Variants in THEM4 observed in about 807,000 individuals in gnomAD.
THEM4 encodes the protein acyl-coenzyme A thioesterase THEM4.
A neutral mutation model predicts 25.0 loss-of-function variants in THEM4; 22 were observed. That is an observed-to-expected ratio of 0.88 (90% CI 0.63 to 1.26). The LOEUF is 1.26. THEM4 is among the 50% of genes most tolerant of loss of function. THEM4 has a pLI of 0.00. For synonymous variants in THEM4, 113 were observed against 105.6 expected (o/e 1.07, Z -0.43); for missense variants, 286 against 300.3 (o/e 0.95, Z 0.35).
chr1:151,896,699 A>T (rs995713818), intron 1 of THEM4, among the ~76,000 whole-genome samples: 2 of 152,176 alleles, frequency 1.3e-5, no homozygotes, highest in Non-Finnish European at 2.9e-5. Flanking sequence ...ACATGATTAG[A>T]TCTTTCCATA....
At chr1:151,898,051 TGA>T (rs1371711348) in intron 1 of THEM4, among the ~76,000 whole-genome samples, 1 of 152,204 alleles carries the variant, frequency 6.6e-6, no homozygotes, top group Non-Finnish European at 1.5e-5. Flanking sequence ...ATTCTGCGGC[TGA>T]ACTTTGTAAC....
chr1:151,901,467 A>T lies in THEM4; in HGVS notation c.100-6273T>A, dbSNP rs533331185. ...CCATAAACAAGCCTCCATAAATTTA[A>T]GAAAATTGAAATTATATCAAGCACT... On this transcript the variant is annotated intron_variant, in intron 1 of 5. Transcript: ENST00000368814. Among the ~76,000 whole-genome samples, 9 of 152,344 alleles carry T rather than the reference A, an allele frequency of 5.9e-5. No individual in the cohort carries two copies. The East Asian group carries it at 1.4e-3, about 23-fold the overall frequency.
chr1:151,886,901 A>G (rs973535771), intron 4 of THEM4, among the ~76,000 whole-genome samples: 16 of 152,248 alleles, frequency 1.1e-4, no homozygotes, highest in African/African-American at 3.9e-4. Context: ...TAGAAGTCCT[A>G]GCCAGAGCAA....
At chr1:151,878,437 G>C (rs1247788501) in intron 4 of THEM4, among the ~76,000 whole-genome samples, 3 of 152,216 alleles carry the variant, frequency 2.0e-5, no homozygotes, top group African/African-American at 7.2e-5. Context: ...CTGGCTGGTG[G>C]CCATTGTGCC....
chr1:151,889,256 A>C lies in THEM4; in HGVS notation c.404T>G (p.Val135Gly). Reference sequence around the variant, plus strand: ...GTAAGGGCCTCCTTGAAATAAGCAAACCATCCTTTTCTCAATGTCATTGTA... The same window carrying C: ...GTAAGGGCCTCCTTGAAATAAGCAACCCATCCTTTTCTCAATGTCATTGTA... The part of the protein sequence containing the change: ...MFYNDIEKRM[V>G]CLFQGGPYLE... Residue 135 changes from valine to glycine, a missense_variant, in exon 3 of 6, where the codon GTT becomes GGT. Coordinates refer to ENST00000368814, the MANE Select transcript of THEM4 (RefSeq NM_053055.5). The C allele has an allele frequency of 6.2e-7, 1 of 1,613,658 alleles. No individual in the cohort carries two copies. The highest frequency in any genetic ancestry group is 1.3e-5 in the African/African-American group (1 of 75,032).
intron 4 of THEM4, among the ~76,000 whole-genome samples, chr1:151,881,831 T>C (rs1228491033): frequency 2.0e-5 from 3 of 152,252 alleles, no homozygotes; most frequent in African/African-American, 7.2e-5. Context: ...GATTGCTTTC[T>C]ATATTGTCAA....
At chr1:151,886,129 A>G (rs1653963738) in intron 4 of THEM4, among the ~76,000 whole-genome samples, 1 of 152,226 alleles carries the variant, frequency 6.6e-6, no homozygotes, top group Admixed American at 6.5e-5. Flanking sequence ...TGTAGTGAAG[A>G]GCATCAGATT....
intron 1 of THEM4, among the ~76,000 whole-genome samples, chr1:151,901,458 A>G (rs1654350823): frequency 6.6e-6 from 1 of 152,258 alleles, no homozygotes; most frequent in South Asian, 2.1e-4. Flanking sequence ...ACAAGCCTCC[A>G]TAAATTTAAG....
At chr1:151,901,877 A>G (rs928078659) in intron 1 of THEM4, among the ~76,000 whole-genome samples, 1 of 152,148 alleles carries the variant, frequency 6.6e-6, no homozygotes, top group Non-Finnish European at 1.5e-5. Context: ...AAACAAAAAA[A>G]CCATGCTCCT....
chr1:151,877,167 T>C (rs778607796), intron 4 of THEM4, 42 bp from the exon 5 acceptor site: 10 of 1,569,034 alleles, frequency 6.4e-6, no homozygotes, highest in Non-Finnish European at 6.9e-6. Context: ...AGTTTTTATC[T>C]GACTTATATA....
At chr1:151,908,363 C>T (rs1007737994) in intron 1 of THEM4, among the ~76,000 whole-genome samples, 3 of 152,202 alleles carry the variant, frequency 2.0e-5, no homozygotes, top group African/African-American at 7.2e-5. Context: ...GGGGCGTGGC[C>T]TGTAACCCCA....
intron 4 of THEM4, among the ~76,000 whole-genome samples, chr1:151,882,556 G>A (rs1485486975): frequency 6.6e-6 from 1 of 152,144 alleles, no homozygotes; most frequent in Non-Finnish European, 1.5e-5. Flanking sequence ...TGGCACACAT[G>A]GGATTCAAAT....
intron 1 of THEM4, among the ~76,000 whole-genome samples, chr1:151,905,747 G>C (rs9943281): frequency 6.6e-6 from 1 of 152,068 alleles, no homozygotes; most frequent in African/African-American, 2.4e-5. Context: ...AGTTTTATGA[G>C]TTTATAGATT....
At chr1:151,883,563 G>C (rs1402184795) in intron 4 of THEM4, among the ~76,000 whole-genome samples, 1 of 151,820 alleles carries the variant, frequency 6.6e-6, no homozygotes, top group Non-Finnish European at 1.5e-5. Context: ...TTTGGGTGGC[G>C]ACACAAAGCC....
chr1:151,896,632 G>T (rs1236385394), intron 1 of THEM4, among the ~76,000 whole-genome samples: 1 of 152,176 alleles, frequency 6.6e-6, no homozygotes, highest in Non-Finnish European at 1.5e-5. Context: ...TTAACACTAA[G>T]CTAACTGGCT....
intron 1 of THEM4, among the ~76,000 whole-genome samples, chr1:151,901,972 A>G (rs1267739843): frequency 6.6e-6 from 1 of 152,240 alleles, no homozygotes; most frequent in Non-Finnish European, 1.5e-5. Context: ...ACAGCCTATC[A>G]AAACCTCTGG....
chr1:151,876,511 G>A (rs1409801783), intron 5 of THEM4, among the ~76,000 whole-genome samples: 7 of 150,490 alleles, frequency 4.7e-5, no homozygotes, highest in African/African-American at 1.7e-4. Flanking sequence ...GCAGAGGTGC[G>A]ATCTCAGCTC....
At chr1:151,895,988 C>CTTTTTTTTTT (rs1176553580) in intron 1 of THEM4, among the ~76,000 whole-genome samples, 1 of 119,220 alleles carries the variant, frequency 8.4e-6, no homozygotes, top group Non-Finnish European at 1.8e-5. Flanking sequence ...TTCTTGCTTC[C>CTTTTTTTTTT]TTTTTTTTTT....
At chr1:151,908,006 C>T (rs540879829) in intron 1 of THEM4, among the ~76,000 whole-genome samples, 232 of 152,344 alleles carry the variant, frequency 1.5e-3, no homozygotes, top group Non-Finnish European at 2.8e-3. Context: ...CCTGCAGTCT[C>T]CCCCTCCCCA....
Sources: gnomAD v4.1 joint callset for allele counts (sites outside exome capture counted in the v4.1 genomes callset) on GRCh38, gnomAD v4.1.1 for gene constraint, MANE v1.5 for transcripts, NCBI Gene and HGNC (gene_info 2026-07-23, HGNC 2026-07-21) for gene names.